ZRANB3: variants seen among roughly 807,000 people sequenced by gnomAD.
ZRANB3 encodes the protein zinc finger RANBP2-type containing 3.
In ZRANB3, 125 loss-of-function variants were observed where a neutral mutation model predicts 133.8. The observed-to-expected ratio is 0.93, with a 90% confidence interval of 0.81 to 1.08. The LOEUF is 1.08. Among genes scored for constraint, ZRANB3 ranks in the 50% least tolerant of loss-of-function variants. ZRANB3 has a pLI of 0.00. For synonymous variants in ZRANB3, 387 were observed against 432.7 expected, an observed-to-expected ratio of 0.89 and a Z score of 1.31; for missense variants, 1,229 against 1,275.5, an observed-to-expected ratio of 0.96 and a Z score of 0.56.
intron 2 of ZRANB3, among the ~76,000 whole-genome samples, chr2:135,490,745 C>G (rs1187710818): frequency 1.3e-5 from 2 of 151,890 alleles, no homozygotes; most frequent in African/African-American, 4.8e-5. Context: ...TAAATGCCCA[C>G]GAGTAGATAA....
At chr2:135,517,702 T>C (rs1574243287) in intron 1 of ZRANB3, among the ~76,000 whole-genome samples, 1 of 152,190 alleles carries the variant, frequency 6.6e-6, no homozygotes, top group East Asian at 1.9e-4. Context: ...TGTTGACCCC[T>C]GCTGGGAGGT....
chr2:135,489,086 C>G (rs1365556336), intron 2 of ZRANB3, among the ~76,000 whole-genome samples: 1 of 151,072 alleles, frequency 6.6e-6, no homozygotes, highest in East Asian at 1.9e-4. Context: ...ACAGTATGAT[C>G]AGGAAAAAAT....
intron 2 of ZRANB3, among the ~76,000 whole-genome samples, chr2:135,498,389 G>C (rs1692777889): frequency 6.6e-6 from 1 of 152,144 alleles, no homozygotes; most frequent in Non-Finnish European, 1.5e-5. Flanking sequence ...AACATAAATT[G>C]TGAAGATTTC....
At chr2:135,479,733 C>T (rs1330219933) in intron 2 of ZRANB3, among the ~76,000 whole-genome samples, 4 of 151,998 alleles carry the variant, frequency 2.6e-5, no homozygotes, top group African/African-American at 9.7e-5. Context: ...AGAGCCAAGT[C>T]TCTCTATAGA....
At position 135,207,179 on chromosome 2, in the gene ZRANB3, T is replaced by A. The variant is rs1175729008; in HGVS notation, c.3009+255A>T. Among the ~76,000 whole-genome samples, 5 of 149,200 alleles carry A rather than the reference T, an allele frequency of 3.4e-5. No individual in the cohort carries two copies. The East Asian group carries it at 7.8e-4, about 23-fold the overall frequency. On this transcript the variant is annotated intron_variant, in intron 19 of 20. Coordinates refer to ENST00000264159, the MANE Select transcript of ZRANB3 (RefSeq NM_032143.4). ...AAACTCTGTCTCCAAAATAAATAAATAAATAAATAAATAATAAATAAATAA... is the reference window on the plus strand; with the variant it reads ...AAACTCTGTCTCCAAAATAAATAAAAAAATAAATAAATAATAAATAAATAA...
At chr2:135,453,854 C>G (rs770885548) in intron 2 of ZRANB3, among the ~76,000 whole-genome samples, 1 of 152,240 alleles carries the variant, frequency 6.6e-6, no homozygotes, top group Non-Finnish European at 1.5e-5. Flanking sequence ...AAAGTCACTT[C>G]CACATTTTTG....
At chr2:135,346,700 G>T (rs1684948171) in intron 5 of ZRANB3, among the ~76,000 whole-genome samples, 1 of 152,110 alleles carries the variant, frequency 6.6e-6, no homozygotes, top group South Asian at 2.1e-4. Context: ...ATAGTATCAT[G>T]AAATCTTTTC....
chr2:135,223,005 G>A (rs1012151789), intron 15 of ZRANB3, among the ~76,000 whole-genome samples: 7 of 151,996 alleles, frequency 4.6e-5, no homozygotes, highest in Non-Finnish European at 1.0e-4. Context: ...TGTAATCCCC[G>A]CACTTCGGGA....
At chr2:135,206,850 G>A (rs116293174) in intron 19 of ZRANB3, among the ~76,000 whole-genome samples, 2 of 152,094 alleles carry the variant, frequency 1.3e-5, no homozygotes, top group Admixed American at 6.6e-5. Flanking sequence ...GAAAAGAAAC[G>A]TTTGGAATTT....
At chr2:135,304,785 A>G (rs889955337) in intron 8 of ZRANB3, among the ~76,000 whole-genome samples, 1 of 152,040 alleles carries the variant, frequency 6.6e-6, no homozygotes, top group Non-Finnish European at 1.5e-5. Flanking sequence ...CTATATATTC[A>G]TATAAATTTT....
At chr2:135,272,010 T>C (rs1680542060) in intron 9 of ZRANB3, 123 bp from the exon 10 acceptor site, 6 of 1,045,626 alleles carry the variant, frequency 5.7e-6, no homozygotes, top group African/African-American at 1.6e-5. Context: ...AGGTGACAGA[T>C]TGGTAAATGT....
At chr2:135,414,943 A>G (rs944359045) in intron 2 of ZRANB3, among the ~76,000 whole-genome samples, 10 of 152,148 alleles carry the variant, frequency 6.6e-5, no homozygotes, top group South Asian at 2.1e-4. Context: ...TCTCTGGGAC[A>G]CATTCAAAGC....
At chr2:135,303,804 A>T in intron 8 of ZRANB3, among the ~76,000 whole-genome samples, 1 of 152,174 alleles carries the variant, frequency 6.6e-6, no homozygotes, top group Admixed American at 6.5e-5. Flanking sequence ...TGTTTATTTA[A>T]ATTTGCTTTA....
At chr2:135,273,337 A>G (rs1680630846) in intron 9 of ZRANB3, among the ~76,000 whole-genome samples, 1 of 152,206 alleles carries the variant, frequency 6.6e-6, no homozygotes, top group Non-Finnish European at 1.5e-5. Context: ...CACTTTTATA[A>G]GGGAATATCC....
chr2:135,233,470 C>G (rs748650966), intron 12 of ZRANB3, among the ~76,000 whole-genome samples: 19 of 152,258 alleles, frequency 1.2e-4, no homozygotes, highest in South Asian at 2.1e-4. Context: ...TCGAGAAGAG[C>G]AACTCCAAGA....
At chr2:135,231,596 C>CA (rs1189282337) in intron 12 of ZRANB3, among the ~76,000 whole-genome samples, 4 of 151,764 alleles carry the variant, frequency 2.6e-5, no homozygotes, top group African/African-American at 7.3e-5. Flanking sequence ...CCCGTCACTA[C>CA]AAAAAAACAC....
At position 135,265,658 on chromosome 2, in the gene ZRANB3, C is replaced by G; in HGVS notation, c.1415G>C (p.Gly472Ala). The G allele has an allele frequency of 6.2e-7, 1 of 1,613,622 alleles. No individual in the cohort carries two copies. Among genetic ancestry groups the G allele is most frequent in the African/African-American group, 1.3e-5 (1 of 75,030 alleles). Reference sequence around the variant, plus strand: ...CTCAGCCTGAATTTTTTCTTTCCTACCGTTCAGTGTGCTCCCTGTAACTTG... The same window carrying G: ...CTCAGCCTGAATTTTTTCTTTCCTAGCGTTCAGTGTGCTCCCTGTAACTTG... Reference protein sequence around the residue: ...KAQVTGSTLNGRKEKIQAEEG... With the variant: ...KAQVTGSTLNARKEKIQAEEG... Residue 472 changes from glycine (G) to alanine (A), a missense_variant, in exon 12 of 21, where the codon GGT becomes GCT. Transcript: ENST00000264159.
intron 12 of ZRANB3, among the ~76,000 whole-genome samples, chr2:135,235,472 G>A (rs1472567787): frequency 6.6e-6 from 1 of 152,152 alleles, no homozygotes; most frequent in Non-Finnish European, 1.5e-5. Flanking sequence ...AAGCCTGGCA[G>A]AGACACAACA....
chr2:135,513,544 A>C (rs1693565959), intron 1 of ZRANB3, among the ~76,000 whole-genome samples: 1 of 152,214 alleles, frequency 6.6e-6, no homozygotes, highest in Admixed American at 6.5e-5. Flanking sequence ...CTCATGCTGC[A>C]TATGAAAATT....
Sources: allele counts gnomAD v4.1 joint callset (sites outside exome capture counted in the v4.1 genomes callset), GRCh38; gene constraint gnomAD v4.1.1; transcripts MANE v1.5; gene names NCBI Gene and HGNC (gene_info 2026-07-23, HGNC 2026-07-21).